SULT2B1: variants seen among roughly 807,000 people sequenced by gnomAD.
SULT2B1 encodes sulfotransferase family 2B member 1.
In SULT2B1, 16 loss-of-function variants were observed where a neutral mutation model predicts 33.2. The observed-to-expected ratio is 0.48, with a 90% CI of 0.33 to 0.73. SULT2B1 has a LOEUF of 0.73. Among genes scored for constraint, SULT2B1 ranks in the 30% least tolerant of loss-of-function variants. The pLI, the probability that SULT2B1 is intolerant of heterozygous loss-of-function variation, is 0.02. For synonymous variants in SULT2B1, 186 were observed against 200.5 expected (o/e 0.93, Z 0.61); for missense variants, 500 against 506.0 (o/e 0.99, Z 0.11).
intron 1 of SULT2B1, among the ~76,000 whole-genome samples, chr19:48,561,659 A>G (rs1973183038): frequency 6.6e-6 from 1 of 152,126 alleles, no homozygotes; most frequent in Non-Finnish European, 1.5e-5. Flanking sequence ...AGAACGGAAC[A>G]CTGGCAGCCC....
At chr19:48,596,419 T>G in intron 5 of SULT2B1, 2 of 157,202 alleles carry the variant, frequency 1.3e-5, no homozygotes, top group Admixed American at 7.4e-5. Flanking sequence ...TGCCCCCGGA[T>G]GTGACCTCTG....
chr19:48,565,680 A>T (rs1449702399), intron 1 of SULT2B1, among the ~76,000 whole-genome samples: 1 of 151,768 alleles, frequency 6.6e-6, no homozygotes, highest in Non-Finnish European at 1.5e-5. Flanking sequence ...GCACCTAGCT[A>T]GTGGTTTTGT....
At chr19:48,598,563 GAC>G (rs1435240621) in intron 6 of SULT2B1, among the ~76,000 whole-genome samples, 3 of 152,044 alleles carry the variant, frequency 2.0e-5, no homozygotes, top group Non-Finnish European at 4.4e-5. Context: ...CAGCCTGGGC[GAC>G]AGAGCGAGAC....
At chr19:48,586,981 G>T (rs1264291386) in intron 2 of SULT2B1, among the ~76,000 whole-genome samples, 1 of 152,034 alleles carries the variant, frequency 6.6e-6, no homozygotes. Context: ...GTGGTGGTGG[G>T]CGCTTGTAAT....
rs1241839491 is a variant in SULT2B1, at chr19:48,570,676, A to C, written c.72-5265A>C. On this transcript the variant is annotated intron_variant, in intron 1 of 6. Transcript: ENST00000201586. ...TTCCATTTCTCTTGGACAAACACCCAGAAGGGAGAGTGACTCTGGTTTTTG... is the reference window on the plus strand; with the variant it reads ...TTCCATTTCTCTTGGACAAACACCCCGAAGGGAGAGTGACTCTGGTTTTTG... Among the ~76,000 whole-genome samples the C allele has an allele frequency of 2.6e-5, 4 of 152,020 alleles. No individual in the cohort carries two copies. The East Asian group carries it at 5.8e-4, about 22-fold the overall frequency.
At chr19:48,571,639 A>C (rs928656916) in intron 1 of SULT2B1, among the ~76,000 whole-genome samples, 2 of 104,488 alleles carry the variant, frequency 1.9e-5, no homozygotes, top group African/African-American at 8.5e-5. Context: ...ACAATAACAA[A>C]AGAAAAAAAC....
intron 1 of SULT2B1, among the ~76,000 whole-genome samples, chr19:48,575,101 T>A (rs63702760): frequency 1.4e-4 from 2 of 14,188 alleles, no homozygotes; most frequent in African/African-American, 1.1e-3. Context: ...TGTTTTAACC[T>A]TTTTTTTTTT....
intron 1 of SULT2B1, among the ~76,000 whole-genome samples, chr19:48,555,155 G>A (rs548791324): frequency 1.6e-4 from 24 of 151,788 alleles, no homozygotes; most frequent in South Asian, 1.5e-3. Flanking sequence ...GCAGTGGCAC[G>A]ATCTCGGCTC....
At chr19:48,597,188 TTA>T (rs1460615073) in intron 6 of SULT2B1, among the ~76,000 whole-genome samples, 1 of 152,062 alleles carries the variant, frequency 6.6e-6, no homozygotes, top group Non-Finnish European at 1.5e-5. Context: ...CGAGAGAGAT[TTA>T]GAGTCTTCAT....
intron 2 of SULT2B1, among the ~76,000 whole-genome samples, chr19:48,579,623 T>TTTTTTTTTTA (rs1973459726): frequency 6.8e-6 from 1 of 147,548 alleles, no homozygotes; most frequent in African/African-American, 2.5e-5. Context: ...TTTTTTTTTT[T>TTTTTTTTTTA]GAGACGAAGT....
chr19:48,582,146 C>A (rs925372211), intron 2 of SULT2B1, among the ~76,000 whole-genome samples: 58 of 152,098 alleles, frequency 3.8e-4, no homozygotes, highest in African/African-American at 1.3e-3. Context: ...CTCAGGAGAT[C>A]CACCTGCCTC....
chr19:48,598,062 A>C (rs184899887), intron 6 of SULT2B1, among the ~76,000 whole-genome samples: 3 of 152,112 alleles, frequency 2.0e-5, no homozygotes. Flanking sequence ...CTATCTGCAA[A>C]ATCCCTTTTG....
At chr19:48,574,327 G>T (rs145862202) in intron 1 of SULT2B1, among the ~76,000 whole-genome samples, 6 of 152,318 alleles carry the variant, frequency 3.9e-5, no homozygotes, top group Non-Finnish European at 8.8e-5. Flanking sequence ...ACACCAACAA[G>T]TCCCAGCACT....
Position 48,599,072 on chromosome 19 carries a change from T to C in SULT2B1, c.827-63T>C. On this transcript the variant is annotated intron_variant, in intron 6 of 6. Transcript: ENST00000201586. The surrounding 1 kb of genome is among the most constrained non-coding windows in gnomAD (Gnocchi z 4.1). ...GAAGGGGAAGGAGGTTGCTGGAATG[T>C]TGGAGGTAGGGGCGCAGTGCTCCCC... is the stretch of plus-strand genomic sequence containing the variant. 6.6e-7 allele frequency: 1 copy of C among 1,522,212 alleles called. No individual in the cohort carries two copies. The highest frequency in any genetic ancestry group is 8.8e-7 in the Non-Finnish European group (1 of 1,140,370). The allele number at this position is 1,522,212 out of a possible 1,614,324, so 94.3% of individuals were successfully genotyped here.
intron 6 of SULT2B1, among the ~76,000 whole-genome samples, chr19:48,597,399 A>G (rs1409261207): frequency 5.7e-5 from 8 of 141,538 alleles, no homozygotes; most frequent in Non-Finnish European, 1.0e-4. Flanking sequence ...TGGAGGTTGC[A>G]GTGGCGCGAT....
chr19:48,564,551 C>CAAAAAA (rs770217698), intron 1 of SULT2B1, among the ~76,000 whole-genome samples: 7 of 57,636 alleles, frequency 1.2e-4, no homozygotes, highest in Admixed American at 2.5e-4. Context: ...GACTCCGTCT[C>CAAAAAA]AAAAAAAAAA....
At chr19:48,578,927 C>T (rs1013957122) in intron 2 of SULT2B1, among the ~76,000 whole-genome samples, 1 of 151,938 alleles carries the variant, frequency 6.6e-6, no homozygotes. Context: ...CATCATCCAA[C>T]AAGAAACTCT....
intron 1 of SULT2B1, among the ~76,000 whole-genome samples, chr19:48,570,984 A>T (rs1174896738): frequency 1.3e-5 from 2 of 151,476 alleles, no homozygotes; most frequent in African/African-American, 2.4e-5. Flanking sequence ...TCAGCCTCCC[A>T]AAGTGCTGGG....
At chr19:48,573,372 A>T (rs1973357264) in intron 1 of SULT2B1, among the ~76,000 whole-genome samples, 1 of 151,812 alleles carries the variant, frequency 6.6e-6, no homozygotes, top group South Asian at 2.1e-4. Context: ...CAGGCCCTGG[A>T]CGTGTTTTGT....
Sources: gnomAD v4.1 joint callset for allele counts (sites outside exome capture counted in the v4.1 genomes callset) on GRCh38, gnomAD v4.1.1 for gene constraint, Gnocchi (gnomAD v3.1) non-coding constraint, MANE v1.5 for transcripts, NCBI Gene and HGNC (gene_info 2026-07-23, HGNC 2026-07-21) for gene names.